Variants in MANBA observed in about 807,000 individuals in gnomAD.
MANBA encodes beta-mannosidase.
MANBA carries 83 observed loss-of-function variants against 111.1 expected under a neutral mutation model. The observed-to-expected ratio is 0.75, with a 90% CI of 0.63 to 0.90. The LOEUF (loss-of-function observed/expected upper bound fraction) is 0.90. Among genes scored for constraint, MANBA ranks in the 40% least tolerant of loss-of-function variants. The pLI is 0.00. For synonymous variants in MANBA, 370 were observed against 378.7 expected (o/e 0.98, Z 0.27); for missense variants, 1,036 against 1,069.0 (o/e 0.97, Z 0.43).
At chr4:102,696,741 C>T (rs1486055559) in intron 5 of MANBA, among the ~76,000 whole-genome samples, 2 of 152,104 alleles carry the variant, frequency 1.3e-5, no homozygotes, top group Non-Finnish European at 2.9e-5. Context: ...TCACAGCTCC[C>T]CCTTTTGCAG....
intron 1 of MANBA, among the ~76,000 whole-genome samples, chr4:102,736,426 A>G (rs1411313031): frequency 6.6e-6 from 1 of 152,246 alleles, no homozygotes; most frequent in Non-Finnish European, 1.5e-5. Context: ...TCTGGACTCC[A>G]TCATTATACC....
At position 102,643,882 on chromosome 4, in the gene MANBA, G is replaced by A. The variant is rs373594971; in HGVS notation, c.1870-4025C>T. Among the ~76,000 whole-genome samples the A allele has an allele frequency of 4.6e-5, 7 of 152,072 alleles. No individual in the cohort carries two copies. In the South Asian group the frequency reaches 8.3e-4, roughly 18 times the overall value. On this transcript the variant is annotated intron_variant, in intron 13 of 16. Transcript: ENST00000647097. Reference sequence around the variant, plus strand: ...GATAGCGTCTTTTGCCATACAAAAGGTATTTTTGTTTTCTGTTTTTGATGA... The same window carrying A: ...GATAGCGTCTTTTGCCATACAAAAGATATTTTTGTTTTCTGTTTTTGATGA...
chr4:102,673,761 T>C lies in MANBA; in HGVS notation c.1112+158A>G, dbSNP rs227276. Among the ~76,000 whole-genome samples the C allele has an allele frequency of 0.45, 68,381 of 152,090 alleles. 16,568 individuals are homozygous for C. The highest frequency in any genetic ancestry group is 0.57 in the South Asian group (2,737 of 4,820). On this transcript the variant is annotated intron_variant, in intron 8 of 16. Transcript: ENST00000647097. ...ACCCAGGAGAATGGAATATATAATT[T>C]TTAAAATCCTGTCCATTCTGAAGTT...
chr4:102,657,856 C>A lies in MANBA; in HGVS notation c.1530G>T (p.Gly510=). The A allele has an allele frequency of 6.2e-7, 1 of 1,613,838 alleles. No homozygotes were observed. The highest frequency in any genetic ancestry group is 8.5e-7 in the Non-Finnish European group (1 of 1,179,794). The change falls in exon 12 of 17, where the codon GGG becomes GGT. Residue 510 remains glycine, a synonymous_variant. Transcript: ENST00000647097. ...CCCAGGCTTCTGCAACAGTTTCAGC[C>A]CCATTTGTAGGACTGGACGTAATAA... The part of the protein sequence containing the change: ...RPFITSSPTN[G]AETVAEAWVS...
At chr4:102,726,149 T>C (rs1001546150) in intron 2 of MANBA, among the ~76,000 whole-genome samples, 3 of 152,090 alleles carry the variant, frequency 2.0e-5, no homozygotes, top group African/African-American at 7.2e-5. Flanking sequence ...TTTTTTCATT[T>C]AGCAGTAGTG....
intron 1 of MANBA, among the ~76,000 whole-genome samples, chr4:102,755,804 G>A (rs2110214211): frequency 6.6e-6 from 1 of 152,280 alleles, no homozygotes; most frequent in Non-Finnish European, 1.5e-5. Context: ...CCATCAAAAA[G>A]TGGGCAAAGG....
rs1272394087 is a variant in MANBA, at chr4:102,714,522, G to A, written c.589C>T (p.Pro197Ser). 6.2e-7 allele frequency: 1 copy of A among 1,608,110 alleles called. No individual in the cohort carries two copies. Among genetic ancestry groups the A allele is most frequent in the Middle Eastern group, 1.7e-4 (1 of 6,056 alleles). ...ACATCTTTCCAGATTCCCTGGGTAG[G>A]AAAGGAAGGCCCCCAGTCCCAACTA... ...SFSWDWGPSF[P>S]TQGIWKDVRI... is the part of the protein sequence containing the mutation. The change falls in exon 5 of 17, where the codon CCT (proline) becomes TCT (serine). Residue 197 changes from proline to serine, a missense_variant. Coordinates refer to ENST00000647097, the MANE Select transcript of MANBA (RefSeq NM_005908.4).
intron 6 of MANBA, among the ~76,000 whole-genome samples, chr4:102,689,944 CTCCCTA>C (rs1732400940): frequency 6.6e-6 from 1 of 152,122 alleles, no homozygotes; most frequent in Non-Finnish European, 1.5e-5. Flanking sequence ...AAAAACAACT[CTCCCTA>C]TCCCTAACAC....
At chr4:102,632,379 G>C in intron 16 of MANBA, 98 bp from the exon 17 acceptor site, 2 of 1,002,484 alleles carry the variant, frequency 2.0e-6, no homozygotes, top group Non-Finnish European at 3.1e-6. Flanking sequence ...GCTTAACAAG[G>C]AGTCCACTTC....
At chr4:102,683,230 T>C (rs1158087611) in intron 7 of MANBA, among the ~76,000 whole-genome samples, 2 of 151,938 alleles carry the variant, frequency 1.3e-5, no homozygotes, top group Admixed American at 6.6e-5. Flanking sequence ...CTAATTGTAG[T>C]AGCCATGGAC....
At chr4:102,676,865 C>T (rs923893652) in intron 7 of MANBA, among the ~76,000 whole-genome samples, 4 of 152,092 alleles carry the variant, frequency 2.6e-5, no homozygotes, top group Non-Finnish European at 4.4e-5. Flanking sequence ...AAGGCAGTAG[C>T]TCCAAACTGC....
At position 102,730,430 on chromosome 4, in the gene MANBA, C is replaced by T. The variant is rs1479969667; in HGVS notation, c.178-3747G>A. On this transcript the variant is annotated intron_variant, in intron 1 of 16. Coordinates refer to ENST00000647097, the MANE Select transcript of MANBA (RefSeq NM_005908.4). ...GCACCTAGATAAGGGTTCAGGAATG[C>T]AGCTGCAGAGTATTCGGGGTAAGGG... 7 of 480,936 alleles carry T rather than the reference C, an allele frequency of 1.5e-5. No individual in the cohort carries two copies. The East Asian group carries it at 2.7e-4, about 18-fold the overall frequency. The allele number at this position is 480,936 out of a possible 1,614,324, so 29.8% of individuals were successfully genotyped here. A position where few individuals can be genotyped will look rare whatever the true frequency, so the allele number is the denominator to read the frequency against.
intron 1 of MANBA, chr4:102,734,722 G>A: frequency 2.7e-6 from 2 of 748,784 alleles, no homozygotes; most frequent in Non-Finnish European, 4.4e-6. Flanking sequence ...AGGGTCTGAG[G>A]AGGCTGTGAC....
At chr4:102,744,849 G>C (rs548671611) in intron 1 of MANBA, among the ~76,000 whole-genome samples, 1 of 152,248 alleles carries the variant, frequency 6.6e-6, no homozygotes, top group African/African-American at 2.4e-5. Context: ...TTTTTGATTT[G>C]CTATTTTTCT....
rs913800523 is a variant in MANBA at position 102,692,910 on chromosome 4, G to A, written c.674-2139C>T. 2.6e-5 allele frequency among the ~76,000 whole-genome samples: 4 copies of A among 151,866 alleles called. No individual in the cohort carries two copies. In the South Asian group the frequency reaches 8.3e-4, roughly 32 times the overall value. ...TCTATGCTGATCAATGACAAAAGACGTTATAACCGGCACTGTTTACAACTG... is the reference window on the plus strand; with the variant it reads ...TCTATGCTGATCAATGACAAAAGACATTATAACCGGCACTGTTTACAACTG... On this transcript the variant is annotated intron_variant, in intron 5 of 16. Transcript: ENST00000647097.
intron 1 of MANBA, among the ~76,000 whole-genome samples, chr4:102,747,533 C>A (rs749374672): frequency 2.6e-5 from 4 of 152,142 alleles, no homozygotes; most frequent in Non-Finnish European, 5.9e-5. Flanking sequence ...ATCTTTCAAT[C>A]CAATCAAGTT....
intron 14 of MANBA, among the ~76,000 whole-genome samples, chr4:102,636,960 G>C (rs550908330): frequency 1.8e-4 from 27 of 152,206 alleles, no homozygotes; most frequent in African/African-American, 6.5e-4. Flanking sequence ...CATGGGGGCA[G>C]GTCTTTCCTA....
chr4:102,644,370 G>C (rs1239582305), intron 13 of MANBA, among the ~76,000 whole-genome samples: 2 of 151,994 alleles, frequency 1.3e-5, no homozygotes, highest in African/African-American at 4.8e-5. Context: ...CAATAGCCAA[G>C]ATATGAAATC....
intron 13 of MANBA, among the ~76,000 whole-genome samples, chr4:102,645,432 G>T (rs1403413195): frequency 1.3e-5 from 2 of 151,874 alleles, no homozygotes; most frequent in East Asian, 3.9e-4. Context: ...GTTAATGAGG[G>T]GTTTCTTTTA....
Sources: allele counts gnomAD v4.1 joint callset (sites outside exome capture counted in the v4.1 genomes callset), GRCh38; gene constraint gnomAD v4.1.1; transcripts MANE v1.5; gene names NCBI Gene and HGNC (gene_info 2026-07-23, HGNC 2026-07-21).